Variants in CTNNA2 observed in about 807,000 individuals in gnomAD.
CTNNA2 encodes catenin alpha-2.
CTNNA2 carries 42 observed loss-of-function variants against 101.0 expected under a neutral mutation model. The observed-to-expected ratio is 0.42, with a 90% confidence interval of 0.32 to 0.54. The LOEUF (loss-of-function observed/expected upper bound fraction) is 0.54, where lower values mean the gene tolerates loss of function less well. Among genes scored for constraint, CTNNA2 ranks in the 20% least tolerant of loss-of-function variants. CTNNA2 has a pLI of 0.14. For missense variants in CTNNA2, 871 were observed against 1,223.1 expected (o/e 0.71, Z 4.29); for synonymous variants, 450 against 456.4 (o/e 0.99, Z 0.18).
At chr2:79,704,510 C>CATT (rs1553454271) in intron 2 of CTNNA2, among the ~76,000 whole-genome samples, 2 of 127,570 alleles carry the variant, frequency 1.6e-5, no homozygotes, top group Non-Finnish European at 1.6e-5. Flanking sequence ...ACTTGTGCTT[C>CATT]TTTTTTTTTT....
chr2:80,359,456 T>C (rs772353546), intron 7 of CTNNA2, among the ~76,000 whole-genome samples: 6 of 152,152 alleles, frequency 3.9e-5, no homozygotes, highest in African/African-American at 1.4e-4. Context: ...TGGGAGGTGA[T>C]TGGATCATGG....
chr2:80,631,913 G>A (rs934017055), intron 18 of CTNNA2, among the ~76,000 whole-genome samples: 1 of 152,078 alleles, frequency 6.6e-6, no homozygotes, highest in Admixed American at 6.6e-5. Context: ...TTAAGTGATA[G>A]TAGCATATAG....
intron 7 of CTNNA2, among the ~76,000 whole-genome samples, chr2:79,972,550 C>T (rs1350693353): frequency 6.6e-6 from 1 of 152,216 alleles, no homozygotes; most frequent in Non-Finnish European, 1.5e-5. Flanking sequence ...CACTCAAACA[C>T]ATGCACGTCT....
At chr2:80,394,228 C>T (rs1677791620) in intron 8 of CTNNA2, among the ~76,000 whole-genome samples, 1 of 152,148 alleles carries the variant, frequency 6.6e-6, no homozygotes, top group African/African-American at 2.4e-5. Context: ...TAAGTACAAA[C>T]AAAATTAGCA....
chr2:79,660,962 C>T (rs1379338699), intron 2 of CTNNA2, among the ~76,000 whole-genome samples: 1 of 152,144 alleles, frequency 6.6e-6, no homozygotes, highest in East Asian at 1.9e-4. Flanking sequence ...AAAAACAAAG[C>T]AATTAAAATC....
At chr2:79,804,986 C>T (rs572525440) in intron 3 of CTNNA2, among the ~76,000 whole-genome samples, 7 of 152,116 alleles carry the variant, frequency 4.6e-5, no homozygotes, top group South Asian at 2.1e-4. Context: ...AGGAGGGGAG[C>T]GGGGTCACCA....
intron 7 of CTNNA2, among the ~76,000 whole-genome samples, chr2:79,933,985 C>T (rs1379482242): frequency 6.6e-6 from 1 of 151,956 alleles, no homozygotes; most frequent in Non-Finnish European, 1.5e-5. Context: ...TAATAGAAAC[C>T]ATTCCAAAAT....
At chr2:80,312,077 A>G (rs561435480) in intron 7 of CTNNA2, among the ~76,000 whole-genome samples, 1 of 152,364 alleles carries the variant, frequency 6.6e-6, no homozygotes, top group African/African-American at 2.4e-5. Flanking sequence ...AGGAACTGTT[A>G]GAAATGCTTG....
chr2:80,139,293 G>A (rs929814505), intron 7 of CTNNA2, among the ~76,000 whole-genome samples: 4 of 152,086 alleles, frequency 2.6e-5, no homozygotes, highest in African/African-American at 4.8e-5. Context: ...GCAAGGAGCC[G>A]TCAAAAGCCA....
intron 13 of CTNNA2, among the ~76,000 whole-genome samples, chr2:80,578,023 T>C (rs535993129): frequency 6.6e-6 from 1 of 152,308 alleles, no homozygotes; most frequent in South Asian, 2.1e-4. Flanking sequence ...TTTGTTTCTC[T>C]ATAGAGGCTG....
chr2:80,281,821 A>C (rs1018460379), intron 7 of CTNNA2, among the ~76,000 whole-genome samples: 1 of 152,148 alleles, frequency 6.6e-6, no homozygotes, highest in African/African-American at 2.4e-5. Context: ...TATAGTTTTT[A>C]AAATATTCTC....
chr2:79,739,241 T>G (rs1159746438), intron 2 of CTNNA2, among the ~76,000 whole-genome samples: 1 of 152,140 alleles, frequency 6.6e-6, no homozygotes, highest in Non-Finnish European at 1.5e-5. Context: ...CAACCAAGGA[T>G]TTCCATAGAA....
In CTNNA2 at chr2:80,169,168, G is replaced by A. The variant is rs146018935; in HGVS notation, c.1057-224043G>A. 6.6e-5 allele frequency among the ~76,000 whole-genome samples: 10 copies of A among 152,310 alleles called. No individual in the cohort carries two copies. The East Asian group carries it at 1.7e-3, about 27-fold the overall frequency. On this transcript the variant is annotated intron_variant, in intron 7 of 18. Coordinates refer to ENST00000402739, the MANE Select transcript of CTNNA2 (RefSeq NM_001282597.3). Reference sequence around the variant, plus strand: ...GGTTTGTGGGGCCTCTTGCCTGGGGGCAGAAAACAGTGATGCTGTGGATGG... The same window carrying A: ...GGTTTGTGGGGCCTCTTGCCTGGGGACAGAAAACAGTGATGCTGTGGATGG...
At chr2:79,385,599 G>A (rs1347801873) in intron 4 of CTNNA2, among the ~76,000 whole-genome samples, 1 of 151,730 alleles carries the variant, frequency 6.6e-6, no homozygotes, top group Non-Finnish European at 1.5e-5. Flanking sequence ...ATGTGCCATG[G>A]TGGTTTACTG....
chr2:80,306,390 TTTTC>T (rs1458101618), intron 7 of CTNNA2, among the ~76,000 whole-genome samples: 2 of 133,260 alleles, frequency 1.5e-5, no homozygotes, highest in African/African-American at 3.5e-5. Context: ...TTTTCTTTTC[TTTTC>T]TTTTCTTTTC....
At chr2:79,881,561 A>G (rs187114587) in intron 6 of CTNNA2, among the ~76,000 whole-genome samples, 259 of 152,208 alleles carry the variant, frequency 1.7e-3, no homozygotes, top group African/African-American at 5.1e-3. Flanking sequence ...CTTCACCATT[A>G]TGTAATGCCC....
intron 3 of CTNNA2, among the ~76,000 whole-genome samples, chr2:79,328,364 A>G (rs1676794386): frequency 6.6e-6 from 1 of 152,154 alleles, no homozygotes; most frequent in African/African-American, 2.4e-5. Context: ...CTAGAGAAGA[A>G]AGTTGAAGGC....
intron 4 of CTNNA2, among the ~76,000 whole-genome samples, chr2:79,488,126 C>A (rs923126889): frequency 4.6e-5 from 7 of 151,966 alleles, no homozygotes; most frequent in African/African-American, 1.7e-4. Flanking sequence ...CGAGACCAGC[C>A]TGATCAACAT....
intron 3 of CTNNA2, among the ~76,000 whole-genome samples, chr2:79,803,793 A>G (rs939222358): frequency 6.6e-6 from 1 of 152,278 alleles, no homozygotes; most frequent in East Asian, 1.9e-4. Context: ...GAGAGAAATT[A>G]TCAGACAATT....
Sources: gnomAD v4.1 joint callset for allele counts (sites outside exome capture counted in the v4.1 genomes callset) on GRCh38, gnomAD v4.1.1 for gene constraint, MANE v1.5 for transcripts, NCBI Gene and HGNC (gene_info 2026-07-23, HGNC 2026-07-21) for gene names.